The following SCMH1 variants were observed in gnomAD, a reference collection of about 807,000 sequenced individuals.
The protein encoded by SCMH1 is polycomb protein SCMH1.
Under a neutral mutation model 70.8 loss-of-function variants are expected in SCMH1, and 37 were observed. The ratio of observed to expected loss-of-function variants is 0.52; its 90% CI spans 0.40 to 0.69. The LOEUF (loss-of-function observed/expected upper bound fraction) is 0.69. Among genes scored for constraint, SCMH1 ranks in the 30% least tolerant of loss-of-function variants. The probability of loss-of-function intolerance (pLI) is 0.00; values close to 1 mark genes in which losing one functional copy is unlikely to be tolerated. For synonymous variants in SCMH1, 292 were observed against 307.4 expected, an observed-to-expected ratio of 0.95 and a Z score of 0.52; for missense variants, 607 against 827.3, an observed-to-expected ratio of 0.73 and a Z score of 3.27.
chr1:41,150,829 C>T (rs181400426), intron 5 of SCMH1, among the ~76,000 whole-genome samples: 5 of 144,344 alleles, frequency 3.5e-5, no homozygotes, highest in East Asian at 2.2e-4. Flanking sequence ...CCCAGCTACT[C>T]GGGAGGCTGA....
intron 12 of SCMH1, among the ~76,000 whole-genome samples, chr1:41,039,218 G>A (rs1168649112): frequency 1.3e-5 from 2 of 152,196 alleles, no homozygotes; most frequent in East Asian, 1.9e-4. Flanking sequence ...GAATAATTAT[G>A]ATGACAAAGC....
chr1:41,071,097 A>C (rs1656317912), intron 9 of SCMH1, among the ~76,000 whole-genome samples: 1 of 152,136 alleles, frequency 6.6e-6, no homozygotes, highest in Non-Finnish European at 1.5e-5. Flanking sequence ...TTAAAAATGG[A>C]AACAAACAAA....
Position 41,219,587 on chromosome 1 carries a change from G to A in SCMH1, c.-118+22472C>T, listed in dbSNP as rs540070810. Among the ~76,000 whole-genome samples the A allele has an allele frequency of 7.9e-5, 12 of 152,316 alleles. 1 individual carries two copies. The South Asian group carries it at 2.5e-3, about 32-fold the overall frequency. The stretch of plus-strand genomic sequence containing the variant: ...GTTAAAACAGAATACCATAATTGAA[G>A]TCCTATGGTAGCTCAGTATACTCAA... On this transcript the variant is annotated intron_variant, in intron 1 of 14. Transcript: ENST00000337495.
intron 12 of SCMH1, among the ~76,000 whole-genome samples, chr1:41,038,334 T>C (rs1645602109): frequency 1.3e-5 from 2 of 152,224 alleles, no homozygotes; most frequent in Non-Finnish European, 2.9e-5. Context: ...CCGAAGCAGA[T>C]TCCTCATGAC....
chr1:41,045,846 T>C (rs1465128862), intron 12 of SCMH1: 1 of 152,566 alleles, frequency 6.6e-6, no homozygotes, highest in Non-Finnish European at 1.5e-5. Context: ...CCACGTGGCA[T>C]CTGCTTTCCC....
chr1:41,179,982 C>T (rs1204514787), intron 2 of SCMH1, among the ~76,000 whole-genome samples: 12 of 152,054 alleles, frequency 7.9e-5, no homozygotes, highest in Non-Finnish European at 4.4e-5. Context: ...ACTGGCAAAC[C>T]GAATCCAGCA....
intron 10 of SCMH1, among the ~76,000 whole-genome samples, chr1:41,051,113 C>A (rs1205982091): frequency 6.6e-6 from 1 of 152,146 alleles, no homozygotes; most frequent in Non-Finnish European, 1.5e-5. Flanking sequence ...TCATATGCCA[C>A]ATAATGACAT....
At chr1:41,109,248 A>G (rs1199180796) in intron 8 of SCMH1, among the ~76,000 whole-genome samples, 1 of 152,254 alleles carries the variant, frequency 6.6e-6, no homozygotes, top group African/African-American at 2.4e-5. Flanking sequence ...CAGAGTTACC[A>G]GAAGATAAAA....
intron 8 of SCMH1, among the ~76,000 whole-genome samples, chr1:41,080,489 G>A (rs887641870): frequency 6.6e-6 from 1 of 151,944 alleles, no homozygotes; most frequent in South Asian, 2.1e-4. Flanking sequence ...CAAAGTATTT[G>A]TAAATTAAAT....
chr1:41,200,398 T>G lies in SCMH1; in HGVS notation c.-117-14148A>C, dbSNP rs370489539. Among the ~76,000 whole-genome samples the G allele has an allele frequency of 2.4e-3, 366 of 152,022 alleles. 2 individuals are homozygous for G. Among genetic ancestry groups the G allele is most frequent in the African/African-American group, 8.2e-3 (339 of 41,452 alleles). On this transcript the variant is annotated intron_variant, in intron 1 of 14. Coordinates refer to ENST00000337495, the Ensembl canonical transcript of SCMH1. The stretch of plus-strand genomic sequence containing the variant: ...AGGAGGCTGAGGCAGGAGAATGGCG[T>G]GAACCCAGGAGGCGGAGCTTGCAGT...
In SCMH1 at chr1:41,203,091, AT is replaced by A. The variant is rs1654740452; in HGVS notation, c.-117-16842del. ...TTTATTTAACCCAGTATATCATATT[AT>A]TTTGGCAAGTAATCATAAAAATCAT... On this transcript the variant is annotated intron_variant, in intron 1 of 14. Transcript: ENST00000337495. Among the ~76,000 whole-genome samples, 5 of 152,216 alleles carry A rather than the reference AT, an allele frequency of 3.3e-5. No individual in the cohort carries two copies. In the South Asian group the frequency reaches 8.3e-4, roughly 25 times the overall value.
At chr1:41,196,724 T>C (rs896776621) in intron 1 of SCMH1, among the ~76,000 whole-genome samples, 1 of 152,130 alleles carries the variant, frequency 6.6e-6, no homozygotes, top group African/African-American at 2.4e-5. Flanking sequence ...TGAAAAACTG[T>C]TGTGCATCAA....
chr1:41,135,738 T>C (rs1185407978), intron 6 of SCMH1, among the ~76,000 whole-genome samples: 1 of 152,202 alleles, frequency 6.6e-6, no homozygotes, highest in East Asian at 1.9e-4. Context: ...GCTTACTCAC[T>C]TGCTGTATGT....
chr1:41,030,058 T>A (rs551514728), intron 13 of SCMH1, among the ~76,000 whole-genome samples: 29 of 152,104 alleles, frequency 1.9e-4, no homozygotes, highest in African/African-American at 6.7e-4. Context: ...CTACAAAAAA[T>A]TTTTAAAAAT....
chr1:41,056,716 A>G (rs1650438153), intron 10 of SCMH1, among the ~76,000 whole-genome samples: 1 of 152,252 alleles, frequency 6.6e-6, no homozygotes, highest in Non-Finnish European at 1.5e-5. Context: ...AGGAAAACCT[A>G]AACTGTACTT....
Position 41,113,629 on chromosome 1 carries a change from G to T in SCMH1, c.502-103C>A. 1 of 1,210,266 alleles carries T rather than the reference G, an allele frequency of 8.3e-7. No homozygotes were observed. The highest frequency in any genetic ancestry group is 1.1e-6 in the Non-Finnish European group (1 of 880,548). The allele number at this position is 1,210,266 out of a possible 1,614,324, so 75.0% of individuals were successfully genotyped here. ...TGATTAAAAAGTGACTGCTACATGA[G>T]ACTTATAATGGATATATAGCCTTTC... On this transcript the variant is annotated intron_variant, in intron 7 of 14. Coordinates refer to ENST00000337495, the Ensembl canonical transcript of SCMH1. The surrounding 1 kb of genome is among the most constrained non-coding windows in gnomAD (Gnocchi z 4.3).
chr1:41,165,933 C>T (rs986861481), intron 2 of SCMH1, among the ~76,000 whole-genome samples: 5 of 151,930 alleles, frequency 3.3e-5, no homozygotes, highest in African/African-American at 1.2e-4. Flanking sequence ...CTTTTGGGTT[C>T]ATATCAAAGA....
chr1:41,058,716 G>A (rs1415736796), intron 10 of SCMH1, among the ~76,000 whole-genome samples: 2 of 152,138 alleles, frequency 1.3e-5, no homozygotes, highest in Admixed American at 6.5e-5. Flanking sequence ...GCAGGTAGGC[G>A]GTAAGGGGAA....
At chr1:41,129,842 G>C (rs184449500) in intron 6 of SCMH1, among the ~76,000 whole-genome samples, 2 of 152,042 alleles carry the variant, frequency 1.3e-5, no homozygotes, top group Admixed American at 6.6e-5. Flanking sequence ...GGCTGGCCTC[G>C]AACTCCTGGG....
Sources: gnomAD v4.1 joint callset for allele counts (sites outside exome capture counted in the v4.1 genomes callset) on GRCh38, gnomAD v4.1.1 for gene constraint, Gnocchi (gnomAD v3.1) non-coding constraint, MANE v1.5 for transcripts, NCBI Gene and HGNC (gene_info 2026-07-23, HGNC 2026-07-21) for gene names.